Variants in MAST4 observed in about 807,000 individuals in gnomAD.
MAST4 encodes microtubule-associated serine/threonine-protein kinase 4.
MAST4 carries 89 observed loss-of-function variants against 162.7 expected under a neutral mutation model. The observed-to-expected ratio is 0.55, with a 90% CI of 0.46 to 0.65. The LOEUF is 0.65. Among genes scored for constraint, MAST4 ranks in the 30% least tolerant of loss-of-function variants. The probability of loss-of-function intolerance (pLI) is 0.00; values close to 1 mark genes in which losing one functional copy is unlikely to be tolerated. For synonymous variants in MAST4, 1,479 were observed against 1,361.1 expected, an observed-to-expected ratio of 1.09 and a Z score of -1.91; for missense variants, 3,153 against 3,374.0, an observed-to-expected ratio of 0.93 and a Z score of 1.62.
In MAST4 at chr5:66,975,640, TGA is replaced by T. The variant is rs569448155; in HGVS notation, c.674+75664_674+75665del. 2.0e-4 allele frequency among the ~76,000 whole-genome samples: 30 copies of T among 152,196 alleles called. 1 individual carries two copies. The South Asian group carries it at 4.6e-3, about 23-fold the overall frequency. On this transcript the variant is annotated intron_variant, in intron 4 of 28. Transcript: ENST00000403625. ...GGGCATCCTTAAAGGAGAAAAATAG[TGA>T]GAGAGTCAGAACATGACCAGTCCTG...
intron 12 of MAST4, among the ~76,000 whole-genome samples, chr5:67,118,177 C>T (rs1304556221): frequency 2.0e-5 from 3 of 152,206 alleles, no homozygotes; most frequent in African/African-American, 7.2e-5. Flanking sequence ...CTCTTAACCA[C>T]CATTATTACT....
chr5:66,984,065 A>T (rs1749176464), intron 4 of MAST4, among the ~76,000 whole-genome samples: 3 of 152,198 alleles, frequency 2.0e-5, no homozygotes, highest in African/African-American at 7.2e-5. Context: ...CAGGATAGAG[A>T]AAGTCTCTGC....
At chr5:66,642,229 T>C (rs1183366253) in intron 1 of MAST4, among the ~76,000 whole-genome samples, 2 of 152,160 alleles carry the variant, frequency 1.3e-5, no homozygotes, top group Non-Finnish European at 2.9e-5. Flanking sequence ...AAGGGGAACA[T>C]GTTTAATGGT....
At chr5:67,024,367 CTATA>C (rs1218261027) in intron 4 of MAST4, among the ~76,000 whole-genome samples, 1 of 146,244 alleles carries the variant, frequency 6.8e-6, no homozygotes, top group African/African-American at 2.6e-5. Flanking sequence ...ATATAGATAG[CTATA>C]TATGTACACA....
chr5:67,149,563 G>A lies in MAST4; in HGVS notation c.3269G>A (p.Ser1090Asn). ...SGKVTKSLSASALSLMIPGDM... is the reference protein window; with the variant it reads ...SGKVTKSLSANALSLMIPGDM... ...AAAGTCACAAAGTCCCTCTCTGCCA[G>A]TGCTCTTTCCCTCATGATCCCAGGA... The change falls in exon 24 of 29, where the codon AGT (serine) becomes AAT (asparagine). Residue 1090 changes from serine to asparagine, a missense_variant. Physicochemically the swap from Ser to Asn is conservative, Grantham distance 46. Coordinates refer to ENST00000403625, the MANE Select transcript of MAST4 (RefSeq NM_001164664.2). The A allele has an allele frequency of 1.9e-6, 3 of 1,613,700 alleles. No individual in the cohort carries two copies. Among genetic ancestry groups the A allele is most frequent in the African/African-American group, 2.7e-5 (2 of 75,026 alleles).
chr5:66,840,280 A>G (rs1184240397), intron 3 of MAST4, among the ~76,000 whole-genome samples: 2 of 152,044 alleles, frequency 1.3e-5, no homozygotes, highest in African/African-American at 4.8e-5. Context: ...TGAGATAGTG[A>G]TTGTTTTATC....
At chr5:66,904,538 G>A (rs1763217389) in intron 4 of MAST4, among the ~76,000 whole-genome samples, 1 of 152,070 alleles carries the variant, frequency 6.6e-6, no homozygotes, top group South Asian at 2.1e-4. Context: ...TATAAGCCGT[G>A]GTGCATTGTT....
At chr5:66,718,424 A>C (rs939091189) in intron 1 of MAST4, among the ~76,000 whole-genome samples, 8 of 151,936 alleles carry the variant, frequency 5.3e-5, no homozygotes, top group Non-Finnish European at 1.5e-5. Flanking sequence ...GGACCCCATG[A>C]GTGCCTGGGC....
intron 4 of MAST4, among the ~76,000 whole-genome samples, chr5:66,974,314 A>G (rs530850075): frequency 2.6e-5 from 4 of 152,350 alleles, no homozygotes; most frequent in African/African-American, 7.2e-5. Flanking sequence ...TGTGACCTCA[A>G]CAACTACTTG....
At chr5:66,887,107 G>T (rs771842333) in intron 3 of MAST4, among the ~76,000 whole-genome samples, 1 of 152,074 alleles carries the variant, frequency 6.6e-6, no homozygotes, top group Middle Eastern at 3.2e-3. Flanking sequence ...GAAATATTTT[G>T]TGCTAATTAA....
intron 1 of MAST4, among the ~76,000 whole-genome samples, chr5:66,721,518 T>C (rs897905819): frequency 3.4e-5 from 5 of 148,740 alleles, no homozygotes; most frequent in Admixed American, 2.7e-4. Context: ...TCACTCTCCT[T>C]TGCTGGTTCT....
intron 2 of MAST4, 63 bp from the exon 3 acceptor site, chr5:66,788,607 C>CCAACCAAAAAAAAAAAA: frequency 2.2e-6 from 3 of 1,373,696 alleles, no homozygotes; most frequent in Non-Finnish European, 3.0e-6. Context: ...CCCCCACCCC[C>CCAACCAAAAAAAAAAAA]ATTGCAATAA....
chr5:66,784,185 G>A (rs1039406158), intron 2 of MAST4, among the ~76,000 whole-genome samples: 8 of 146,894 alleles, frequency 5.4e-5, no homozygotes, highest in African/African-American at 2.0e-4. Context: ...TGGGGTCCCT[G>A]ACCTGGGCCA....
intron 5 of MAST4, among the ~76,000 whole-genome samples, chr5:67,078,939 T>TATA (rs1561622738): frequency 1.0e-5 from 1 of 97,188 alleles, no homozygotes; most frequent in African/African-American, 4.8e-5. Flanking sequence ...TATATATATA[T>TATA]ATATATATAT....
At chr5:66,909,253 A>G (rs1403419102) in intron 4 of MAST4, among the ~76,000 whole-genome samples, 6 of 152,108 alleles carry the variant, frequency 3.9e-5, no homozygotes, top group Admixed American at 3.3e-4. Flanking sequence ...CGAGCTCTCT[A>G]TATTGCTGTG....
intron 4 of MAST4, among the ~76,000 whole-genome samples, chr5:67,027,021 A>T (rs1754730845): frequency 6.6e-6 from 1 of 152,192 alleles, no homozygotes; most frequent in Non-Finnish European, 1.5e-5. Context: ...CCTATTTTTA[A>T]TGATTTTACA....
intron 7 of MAST4, among the ~76,000 whole-genome samples, chr5:67,097,509 A>G (rs772282834): frequency 3.9e-5 from 6 of 152,128 alleles, no homozygotes; most frequent in East Asian, 1.9e-4. Flanking sequence ...AGGAATTTAC[A>G]TGGCATTTTT....
chr5:67,013,324 A>G (rs575417726), intron 4 of MAST4, among the ~76,000 whole-genome samples: 12 of 152,292 alleles, frequency 7.9e-5, no homozygotes, highest in African/African-American at 2.6e-4. Flanking sequence ...GAGGTAGTAT[A>G]TTGGGTTCTG....
At chr5:66,736,095 TG>T (rs1752134893) in intron 1 of MAST4, among the ~76,000 whole-genome samples, 1 of 152,056 alleles carries the variant, frequency 6.6e-6, no homozygotes, top group African/African-American at 2.4e-5. Context: ...GCTGACTCCA[TG>T]GCAGACCCTA....
Sources: allele counts gnomAD v4.1 joint callset (sites outside exome capture counted in the v4.1 genomes callset), GRCh38; gene constraint gnomAD v4.1.1; transcripts MANE v1.5; gene names NCBI Gene and HGNC (gene_info 2026-07-23, HGNC 2026-07-21).